Variants in CDH8 observed in about 807,000 individuals in gnomAD.
CDH8 encodes the protein cadherin-8.
Under a neutral mutation model 68.1 loss-of-function variants are expected in CDH8, and 17 were observed. The observed-to-expected ratio is 0.25, with a 90% CI of 0.17 to 0.37. The LOEUF (loss-of-function observed/expected upper bound fraction) is 0.37. Ranked by LOEUF, CDH8 falls within the 10% of genes least tolerant of loss-of-function variation. The pLI is 1.00. For missense variants in CDH8, 763 were observed against 999.3 expected, an observed-to-expected ratio of 0.76 and a Z score of 3.19; for synonymous variants, 372 against 365.1, an observed-to-expected ratio of 1.02 and a Z score of -0.21.
chr16:61,716,676 G>T (rs1445796079), intron 9 of CDH8, among the ~76,000 whole-genome samples: 2 of 151,706 alleles, frequency 1.3e-5, no homozygotes, highest in African/African-American at 2.4e-5. Flanking sequence ...ATGCTGGGGA[G>T]AAGGTGGCTG....
intron 2 of CDH8, among the ~76,000 whole-genome samples, chr16:61,923,364 T>C (rs16964075): frequency 0.16 from 24,296 of 152,064 alleles, 2,935 homozygotes; most frequent in African/African-American, 0.31. Context: ...ATAATGGACA[T>C]CCGCACTCAA....
intron 2 of CDH8, among the ~76,000 whole-genome samples, chr16:62,013,261 CAAA>C (rs1165564723): frequency 4.7e-4 from 3 of 6,402 alleles, no homozygotes; most frequent in African/African-American, 2.2e-3. Flanking sequence ...GACTCCGTCT[CAAA>C]AAAAAAAAAA....
intron 3 of CDH8, among the ~76,000 whole-genome samples, chr16:61,874,371 AC>A (rs1347930196): frequency 3.3e-5 from 5 of 151,848 alleles, no homozygotes; most frequent in Non-Finnish European, 7.4e-5. Flanking sequence ...TCGCTCTATC[AC>A]CCAGGTTGGA....
chr16:61,922,425 C>T (rs1330343892), intron 2 of CDH8, among the ~76,000 whole-genome samples: 1 of 152,058 alleles, frequency 6.6e-6, no homozygotes, highest in Non-Finnish European at 1.5e-5. Context: ...CAGAGGCAAC[C>T]ATCTCTTTAT....
chr16:61,959,989 T>TATATATATATAC lies in CDH8; in HGVS notation c.253-58517_253-58516insGTATATATATAT, dbSNP rs1409707195. Among the ~76,000 whole-genome samples, 13 of 68,838 alleles carry TATATATATATAC rather than the reference T, an allele frequency of 1.9e-4. 3 individuals carry two copies. The highest frequency in any genetic ancestry group is 2.7e-4 in the Non-Finnish European group (11 of 40,254). The allele number at this position is 68,838 out of a possible 152,430, so 45.2% of individuals were successfully genotyped here. ...TGGTGTATGTGTGTGTGTGTGTATA[T>TATATATATATAC]ATATATATATATATATATATATATA... On this transcript the variant is annotated intron_variant, in intron 2 of 11. Transcript: ENST00000577390.
At chr16:61,865,521 T>C (rs1458137373) in intron 3 of CDH8, among the ~76,000 whole-genome samples, 3 of 152,190 alleles carry the variant, frequency 2.0e-5, no homozygotes, top group South Asian at 2.1e-4. Context: ...CACGTTTATA[T>C]GCACAGAGGG....
At chr16:61,848,661 C>T (rs1962871750) in intron 4 of CDH8, among the ~76,000 whole-genome samples, 1 of 151,974 alleles carries the variant, frequency 6.6e-6, no homozygotes, top group Non-Finnish European at 1.5e-5. Context: ...ATGAAATGAG[C>T]CATAAAAACT....
At chr16:61,750,080 A>C (rs2065690160) in intron 8 of CDH8, among the ~76,000 whole-genome samples, 1 of 152,020 alleles carries the variant, frequency 6.6e-6, no homozygotes, top group South Asian at 2.1e-4. Flanking sequence ...CAGCTCTAGT[A>C]GTCGTCAGTG....
At chr16:61,705,014 C>T (rs1328254885) in intron 10 of CDH8, among the ~76,000 whole-genome samples, 1 of 152,104 alleles carries the variant, frequency 6.6e-6, no homozygotes, top group African/African-American at 2.4e-5. Context: ...CCTCAAAAGG[C>T]TGAGGATAAT....
chr16:61,896,167 G>C (rs1963866086), intron 3 of CDH8, among the ~76,000 whole-genome samples: 1 of 152,124 alleles, frequency 6.6e-6, no homozygotes, highest in South Asian at 2.1e-4. Flanking sequence ...ACGCTAGTTT[G>C]GGATCCACAG....
chr16:61,931,037 A>G (rs898562394), intron 2 of CDH8, among the ~76,000 whole-genome samples: 1 of 152,244 alleles, frequency 6.6e-6, no homozygotes, highest in Non-Finnish European at 1.5e-5. Context: ...GTCATGTCAA[A>G]GACAGTACTT....
intron 8 of CDH8, among the ~76,000 whole-genome samples, chr16:61,764,238 A>G (rs537549779): frequency 4.6e-5 from 7 of 152,256 alleles, no homozygotes; most frequent in African/African-American, 1.7e-4. Flanking sequence ...TGGCCCAGTC[A>G]AAACTCCAAC....
intron 2 of CDH8, among the ~76,000 whole-genome samples, chr16:61,908,402 G>C (rs1964099219): frequency 6.6e-6 from 1 of 152,162 alleles, no homozygotes; most frequent in African/African-American, 2.4e-5. Flanking sequence ...AGGCTACTAG[G>C]ACAGCGAAAG....
At chr16:61,721,559 C>A (rs1959217829) in intron 9 of CDH8, among the ~76,000 whole-genome samples, 1 of 150,734 alleles carries the variant, frequency 6.6e-6, no homozygotes, top group Admixed American at 6.6e-5. Context: ...ATTACCTTTA[C>A]TTCTCTTATT....
At chr16:61,659,141 T>C (rs1963506721) in intron 10 of CDH8, among the ~76,000 whole-genome samples, 1 of 152,186 alleles carries the variant, frequency 6.6e-6, no homozygotes, top group Non-Finnish European at 1.5e-5. Flanking sequence ...TTCAGCATGA[T>C]AGAAAAGGAG....
At chr16:61,739,916 T>TATATATATATATATATG (rs1596919358) in intron 8 of CDH8, among the ~76,000 whole-genome samples, 2 of 16,870 alleles carry the variant, frequency 1.2e-4, no homozygotes, top group Admixed American at 5.4e-4. Flanking sequence ...TATATATGTA[T>TATATATATATATATATG]TTTTTTTTTT....
At position 61,817,341 on chromosome 16, in the gene CDH8, C is replaced by G. The variant is rs958288521; in HGVS notation, c.1277+138G>C. The G allele has an allele frequency of 2.2e-5, 16 of 736,084 alleles. No individual in the cohort carries two copies. The East Asian group carries it at 3.3e-4, about 15-fold the overall frequency. The allele number at this position is 736,084 out of a possible 1,614,324, so 45.6% of individuals were successfully genotyped here. A position where few individuals can be genotyped will look rare whatever the true frequency, so the allele number is the denominator to read the frequency against. On this transcript the variant is annotated intron_variant, in intron 7 of 11. Transcript: ENST00000577390. ...ACACACACACACACACACACACACA[C>G]AGTATGTGCCAACCAACATTATTTG...
Position 61,910,814 on chromosome 16 carries a change from G to C in CDH8, c.253-9341C>G, listed in dbSNP as rs1474356844. On this transcript the variant is annotated intron_variant, in intron 2 of 11. Transcript: ENST00000577390. ...AAGTATGCCTATCAACGTATTCGGGGTTAGAATTCAATATACAACATTGAT... is the reference window on the plus strand; with the variant it reads ...AAGTATGCCTATCAACGTATTCGGGCTTAGAATTCAATATACAACATTGAT... 4.6e-5 allele frequency among the ~76,000 whole-genome samples: 7 copies of C among 152,234 alleles called. No individual in the cohort carries two copies. In the South Asian group the frequency reaches 1.5e-3, roughly 32 times the overall value.
intron 9 of CDH8, among the ~76,000 whole-genome samples, chr16:61,723,026 TCAAA>T (rs2142885240): frequency 6.6e-6 from 1 of 150,800 alleles, no homozygotes; most frequent in African/African-American, 2.4e-5. Context: ...CTGACACCTC[TCAAA>T]CAATGAATAT....
Sources: allele counts gnomAD v4.1 joint callset (sites outside exome capture counted in the v4.1 genomes callset), GRCh38; gene constraint gnomAD v4.1.1; transcripts MANE v1.5; gene names NCBI Gene and HGNC (gene_info 2026-07-23, HGNC 2026-07-21).